The following HAO1 variants were observed in gnomAD, a reference collection of about 807,000 sequenced individuals.
HAO1 encodes 2-Hydroxyacid oxidase 1.
In HAO1, 34 loss-of-function variants were observed where a neutral mutation model predicts 39.7. That is an observed-to-expected ratio of 0.86 (90% CI 0.65 to 1.14). The LOEUF (loss-of-function observed/expected upper bound fraction) is 1.14. HAO1 is among the 50% of genes most tolerant of loss of function. The pLI is 0.00. For missense variants in HAO1, 479 were observed against 464.5 expected, an observed-to-expected ratio of 1.03 and a Z score of -0.29; for synonymous variants, 172 against 173.2, an observed-to-expected ratio of 0.99 and a Z score of 0.05.
chr20:7,919,177 A>G (rs1360878268), intron 2 of HAO1, among the ~76,000 whole-genome samples: 1 of 152,188 alleles, frequency 6.6e-6, no homozygotes, highest in Non-Finnish European at 1.5e-5. Flanking sequence ...TTTGTAATAG[A>G]CGGTATATCC....
chr20:7,910,993 A>G (rs1190380078), intron 3 of HAO1, among the ~76,000 whole-genome samples: 2 of 152,150 alleles, frequency 1.3e-5, no homozygotes, highest in East Asian at 3.8e-4. Flanking sequence ...ACTCAATGGA[A>G]GTGAGGCTAT....
chr20:7,906,139 G>A lies in HAO1; in HGVS notation c.721+15C>T, dbSNP rs369366303. ...CACAAAGTCAGTATGAATTCAAGTA[G>A]AGAAATAAACGAACCTCTCAAAATG... On this transcript the variant is annotated intron_variant, in intron 4 of 7. Transcript: ENST00000378789. 1.7e-5 allele frequency: 27 copies of A among 1,574,078 alleles called. No individual in the cohort carries two copies. The highest frequency in any genetic ancestry group is 2.4e-5 in the Non-Finnish European group (27 of 1,143,930).
chr20:7,895,738 G>A (rs1402910829), intron 4 of HAO1, among the ~76,000 whole-genome samples: 1 of 151,958 alleles, frequency 6.6e-6, no homozygotes, highest in Admixed American at 6.6e-5. Context: ...TTAAATATAT[G>A]TTTGCTCATT....
intron 3 of HAO1, among the ~76,000 whole-genome samples, chr20:7,912,036 G>C (rs1028714749): frequency 6.6e-6 from 1 of 152,178 alleles, no homozygotes; most frequent in African/African-American, 2.4e-5. Flanking sequence ...GCACTCTGAG[G>C]GGCTGGGGTA....
rs772677853 is a variant in HAO1, at chr20:7,914,239, A to G, written c.470T>C (p.Val157Ala). 1.2e-6 allele frequency: 2 copies of G among 1,614,038 alleles called. No individual in the cohort carries two copies. The highest frequency in any genetic ancestry group is 1.7e-6 in the Non-Finnish European group (2 of 1,179,960). ...GCCCAGGTAAGGTGTGTCCACTGTC[A>G]CAAATATGGCCTTGTAGCCCATCTT... ...AEKMGYKAIF[V>A]TVDTPYLGNR... Residue 157 changes from valine (V) to alanine (A), a missense_variant, in exon 3 of 8, where the codon GTG (valine) becomes GCG (alanine). Val to Ala is a moderately conservative substitution (Grantham distance 64). Transcript: ENST00000378789.
Position 7,883,517 on chromosome 20 carries a change from C to A in HAO1, c.*76G>T. The A allele has an allele frequency of 9.5e-7, 1 of 1,049,782 alleles. No homozygotes were observed. Among genetic ancestry groups the A allele is most frequent in the East Asian group, 2.4e-5 (1 of 42,130 alleles). 65.0% of individuals were successfully genotyped at this position (1,049,782 alleles called of 1,614,324 possible). On this transcript the variant is annotated 3_prime_UTR_variant, in exon 8 of 8. Transcript: ENST00000378789. ...AGTGGGGAATTACAGACTGTGGTCACCCTCTGCACAGTGTCTCTTTGTCAA... is the reference window on the plus strand; with the variant it reads ...AGTGGGGAATTACAGACTGTGGTCAACCTCTGCACAGTGTCTCTTTGTCAA...
At chr20:7,893,158 T>A (rs1301272317) in intron 5 of HAO1, among the ~76,000 whole-genome samples, 2 of 152,148 alleles carry the variant, frequency 1.3e-5, no homozygotes, top group African/African-American at 2.4e-5. Flanking sequence ...GGCAGATGCA[T>A]TTCCCAAAAC....
At chr20:7,907,902 G>T (rs1328559695) in intron 3 of HAO1, among the ~76,000 whole-genome samples, 1 of 152,070 alleles carries the variant, frequency 6.6e-6, no homozygotes, top group Admixed American at 6.6e-5. Context: ...CTCCTGAAAG[G>T]CTGTTTTTGA....
intron 2 of HAO1, among the ~76,000 whole-genome samples, chr20:7,923,426 A>C (rs1361487383): frequency 6.6e-6 from 1 of 152,168 alleles, no homozygotes; most frequent in East Asian, 1.9e-4. Context: ...CATTGTGTAC[A>C]TAAATTTTAG....
At chr20:7,931,108 A>G (rs2050383649) in intron 2 of HAO1, among the ~76,000 whole-genome samples, 1 of 152,228 alleles carries the variant, frequency 6.6e-6, no homozygotes, top group African/African-American at 2.4e-5. Context: ...ATAAATACAG[A>G]ATAGAAACTC....
At chr20:7,886,324 C>A (rs2050151251) in intron 5 of HAO1, among the ~76,000 whole-genome samples, 1 of 151,968 alleles carries the variant, frequency 6.6e-6, no homozygotes, top group Admixed American at 6.6e-5. Flanking sequence ...CAGGTGCCCA[C>A]CACCATGCCT....
At chr20:7,931,593 A>G (rs113658988) in intron 2 of HAO1, among the ~76,000 whole-genome samples, 1,989 of 152,286 alleles carry the variant, frequency 0.013, 38 homozygotes, top group African/African-American at 0.043. Context: ...CTCGTAATAT[A>G]CTTAAAATAG....
At chr20:7,936,556 G>GTGTT (rs1375018593) in intron 1 of HAO1, among the ~76,000 whole-genome samples, 6 of 146,098 alleles carry the variant, frequency 4.1e-5, no homozygotes, top group Admixed American at 6.8e-5. Flanking sequence ...GTTCGCGCGC[G>GTGTT]CGCGCGCGCG....
intron 2 of HAO1, among the ~76,000 whole-genome samples, chr20:7,923,190 C>T (rs2247585): frequency 0.22 from 33,308 of 151,894 alleles, 4,334 homozygotes; most frequent in East Asian, 0.51. Context: ...CCTCTGGGGA[C>T]GCTAATCCGG....
chr20:7,933,221 G>A (rs542912508), intron 2 of HAO1, among the ~76,000 whole-genome samples: 1 of 151,796 alleles, frequency 6.6e-6, no homozygotes, highest in Non-Finnish European at 1.5e-5. Context: ...GGCTTTTTAC[G>A]TGGAAAGGAC....
At chr20:7,916,663 G>T (rs1051774744) in intron 2 of HAO1, among the ~76,000 whole-genome samples, 2 of 152,094 alleles carry the variant, frequency 1.3e-5, no homozygotes, top group African/African-American at 4.8e-5. Flanking sequence ...AGATAGTAAA[G>T]GTCTAAGTTC....
Position 7,895,174 on chromosome 20 carries a change from A to C in HAO1, c.772T>G (p.Ser258Ala). 6.2e-7 allele frequency: 1 copy of C among 1,612,970 alleles called. No homozygotes were observed. The highest frequency in any genetic ancestry group is 2.2e-5 in the East Asian group (1 of 44,836). Residue 258 changes from serine to alanine, a missense_variant, in exon 5 of 8, where the codon TCG (serine) becomes GCG (alanine). Transcript: ENST00000378789. ...VKHGLNGILV[S>A]NHGARQLDGV... ...TCGAGTTGTCGAGCCCCATGATTCG[A>C]CACCAAGATCCCATTCAAGCCATGT...
At chr20:7,914,468 C>G in intron 2 of HAO1, 49 bp from the exon 3 acceptor site, 1 of 1,594,710 alleles carries the variant, frequency 6.3e-7, no homozygotes, top group Non-Finnish European at 8.6e-7. Context: ...TGCTTACCCT[C>G]CCAAACCTTT....
At chr20:7,911,060 A>G (rs2122773587) in intron 3 of HAO1, among the ~76,000 whole-genome samples, 1 of 152,344 alleles carries the variant, frequency 6.6e-6, no homozygotes, top group African/African-American at 2.4e-5. Flanking sequence ...AGCCAGTGCA[A>G]AGGCTCCGGG....
Sources: gnomAD v4.1 joint callset for allele counts (sites outside exome capture counted in the v4.1 genomes callset) on GRCh38, gnomAD v4.1.1 for gene constraint, MANE v1.5 for transcripts, NCBI Gene and HGNC (gene_info 2026-07-23, HGNC 2026-07-21) for gene names.